Variants in DNAI3 observed in about 807,000 individuals in gnomAD.
DNAI3 encodes dynein axonemal intermediate chain 3, also known as WD repeat domain 63.
In DNAI3, 83 loss-of-function variants were observed where a neutral mutation model predicts 115.5. The observed-to-expected ratio is 0.72, with a 90% CI of 0.60 to 0.86. The LOEUF (loss-of-function observed/expected upper bound fraction) is 0.86, where lower values mean the gene tolerates loss of function less well. Ranked by LOEUF, DNAI3 falls within the 40% of genes least tolerant of loss-of-function variation. DNAI3 has a pLI of 0.00. For synonymous variants in DNAI3, 320 were observed against 347.0 expected (o/e 0.92, Z 0.86); for missense variants, 1,004 against 1,075.8 (o/e 0.93, Z 0.93).
intron 13 of DNAI3, chr1:85,099,231 A>G (rs1042907139): frequency 1.3e-5 from 13 of 985,142 alleles, no homozygotes; most frequent in Non-Finnish European, 1.2e-5. Flanking sequence ...AGTTCCCCAC[A>G]TGTTTTCCTC....
intron 14 of DNAI3, among the ~76,000 whole-genome samples, chr1:85,104,937 G>A (rs1170958032): frequency 6.6e-6 from 1 of 152,080 alleles, no homozygotes; most frequent in East Asian, 1.9e-4. Flanking sequence ...AATTGGGAAA[G>A]CCTCTTTTTA....
intron 17 of DNAI3, among the ~76,000 whole-genome samples, chr1:85,119,570 C>T (rs1238982060): frequency 3.9e-5 from 6 of 152,212 alleles, no homozygotes; most frequent in Non-Finnish European, 5.9e-5. Context: ...TCAGTGACAA[C>T]TCAGTACAAC....
At chr1:85,132,133 A>G (rs1656344896) in intron 22 of DNAI3, among the ~76,000 whole-genome samples, 1 of 152,238 alleles carries the variant, frequency 6.6e-6, no homozygotes, top group South Asian at 2.1e-4. Flanking sequence ...CTTCTAAGCA[A>G]CGGCTGATAA....
At chr1:85,108,248 C>T (rs929374249) in intron 15 of DNAI3, 71 bp downstream of exon 15, 10 of 1,402,624 alleles carry the variant, frequency 7.1e-6, no homozygotes, top group Non-Finnish European at 9.4e-6. Context: ...CATAGACATA[C>T]ATATACACAC....
At chr1:85,092,135 G>A (rs182656598) in intron 8 of DNAI3, among the ~76,000 whole-genome samples, 27 of 152,272 alleles carry the variant, frequency 1.8e-4, no homozygotes, top group African/African-American at 5.1e-4. Context: ...TCAGTAAGTC[G>A]GGTGGAGCCT....
At chr1:85,086,806 G>T (rs1387357118) in intron 7 of DNAI3, among the ~76,000 whole-genome samples, 1 of 151,770 alleles carries the variant, frequency 6.6e-6, no homozygotes, top group Admixed American at 6.6e-5. Flanking sequence ...TTTCTCTCCT[G>T]CATTCAGTTC....
At chr1:85,073,199 C>A in intron 3 of DNAI3, 107 bp downstream of exon 3, 4 of 741,814 alleles carry the variant, frequency 5.4e-6, no homozygotes, top group Non-Finnish European at 8.1e-6. Flanking sequence ...TCAAAATGTA[C>A]ATGGGCTAAA....
chr1:85,129,925 G>A, intron 21 of DNAI3, 65 bp from the exon 22 acceptor site: 1 of 1,520,898 alleles, frequency 6.6e-7, no homozygotes, highest in Non-Finnish European at 8.8e-7. Flanking sequence ...AATTCTAACA[G>A]AGCCTTGTAA....
chr1:85,099,182 C>T (rs1655212253), intron 13 of DNAI3: 3 of 906,694 alleles, frequency 3.3e-6, no homozygotes, highest in Non-Finnish European at 4.0e-6. Flanking sequence ...TTGACTATAA[C>T]CTCACAAAGC....
At chr1:85,094,383 C>G in intron 9 of DNAI3, 48 bp from the exon 10 acceptor site, 1 of 1,610,810 alleles carries the variant, frequency 6.2e-7, no homozygotes, top group Non-Finnish European at 8.5e-7. Context: ...AGACATCTCT[C>G]CATGTATAGT....
At chr1:85,118,347 G>A (rs1655894755) in intron 17 of DNAI3, among the ~76,000 whole-genome samples, 1 of 152,158 alleles carries the variant, frequency 6.6e-6, no homozygotes, top group South Asian at 2.1e-4. Context: ...CATTTTCTAT[G>A]TATCAGTGTC....
chr1:85,116,661 T>C (rs1655826857), intron 16 of DNAI3, among the ~76,000 whole-genome samples: 1 of 152,236 alleles, frequency 6.6e-6, no homozygotes, highest in African/African-American at 2.4e-5. Flanking sequence ...GCCTTTTTGC[T>C]CTTCCTACAT....
intron 16 of DNAI3, among the ~76,000 whole-genome samples, chr1:85,115,569 G>A (rs1375099330): frequency 3.3e-5 from 5 of 152,144 alleles, no homozygotes; most frequent in African/African-American, 1.2e-4. Flanking sequence ...AGTTATTCCC[G>A]TCAACTCTGA....
chr1:85,102,927 C>G (rs950201981), intron 13 of DNAI3, among the ~76,000 whole-genome samples: 3 of 152,126 alleles, frequency 2.0e-5, no homozygotes, highest in African/African-American at 4.8e-5. Context: ...TCAGAGCAAG[C>G]ACATCTCTGG....
chr1:85,084,250 G>GTATATATATATATATATATA (rs33956396), intron 5 of DNAI3, among the ~76,000 whole-genome samples: 5 of 85,040 alleles, frequency 5.9e-5, no homozygotes, highest in Admixed American at 2.8e-4. Context: ...TCAGCAGTGT[G>GTATATATATATATATATATA]TATATATATA....
At position 85,133,028 on chromosome 1, in the gene DNAI3, C is replaced by T. The variant is rs1656389459; in HGVS notation, c.*30C>T. The T allele has an allele frequency of 6.3e-7, 1 of 1,590,858 alleles. No individual in the cohort carries two copies. The highest frequency in any genetic ancestry group is 1.2e-5 in the South Asian group (1 of 86,796). ...GCTTCCTGAAGGGGTGTTTTGGGGACTTCTTCCCTCTATTTATTTTTATGT... is the reference window on the plus strand; with the variant it reads ...GCTTCCTGAAGGGGTGTTTTGGGGATTTCTTCCCTCTATTTATTTTTATGT... On this transcript the variant is annotated 3_prime_UTR_variant, in exon 23 of 23. Coordinates refer to ENST00000294664, the MANE Select transcript of DNAI3 (RefSeq NM_145172.5).
chr1:85,124,312 A>C (rs1380096026), intron 19 of DNAI3, 61 bp downstream of exon 19: 6 of 1,612,608 alleles, frequency 3.7e-6, no homozygotes, highest in Middle Eastern at 1.7e-4. Flanking sequence ...GAAAGACAAG[A>C]GGAACTGTTA....
intron 3 of DNAI3, among the ~76,000 whole-genome samples, chr1:85,077,646 A>C (rs932702236): frequency 1.5e-4 from 23 of 152,178 alleles, no homozygotes; most frequent in Non-Finnish European, 4.4e-5. Flanking sequence ...ACAAGAAAAC[A>C]GCTTAGTGGT....
chr1:85,081,650 G>A (rs545992863), intron 4 of DNAI3, among the ~76,000 whole-genome samples: 1 of 151,952 alleles, frequency 6.6e-6, no homozygotes, highest in Admixed American at 6.6e-5. Flanking sequence ...CCCAGTTTTT[G>A]TTTTGTTTTG....
Sources: allele counts gnomAD v4.1 joint callset (sites outside exome capture counted in the v4.1 genomes callset), GRCh38; gene constraint gnomAD v4.1.1; transcripts MANE v1.5; gene names NCBI Gene and HGNC (gene_info 2026-07-23, HGNC 2026-07-21).